Variants in CADPS2 observed in about 807,000 individuals in gnomAD.
The protein encoded by CADPS2 is calcium dependent secretion activator 2, also known as calcium-dependent secretion activator 2.
In CADPS2, 93 loss-of-function variants were observed where a neutral mutation model predicts 172.5. That is an observed-to-expected ratio of 0.54 (90% confidence interval 0.46 to 0.64). The LOEUF (loss-of-function observed/expected upper bound fraction) is 0.64, where lower values mean the gene tolerates loss of function less well. Among genes scored for constraint, CADPS2 ranks in the 30% least tolerant of loss-of-function variants. The probability of loss-of-function intolerance (pLI) is 0.00; values close to 1 mark genes in which losing one functional copy is unlikely to be tolerated. For synonymous variants in CADPS2, 546 were observed against 555.2 expected (o/e 0.98, Z 0.23); for missense variants, 1,420 against 1,565.9 (o/e 0.91, Z 1.57).
At chr7:122,789,181 ATTT>A (rs1476388562) in intron 1 of CADPS2, among the ~76,000 whole-genome samples, 1 of 152,156 alleles carries the variant, frequency 6.6e-6, no homozygotes, top group Non-Finnish European at 1.5e-5. Flanking sequence ...AGAGGAGTAG[ATTT>A]CATTTATCAG....
At chr7:122,580,319 G>A (rs1045766216) in intron 7 of CADPS2, among the ~76,000 whole-genome samples, 1 of 151,978 alleles carries the variant, frequency 6.6e-6, no homozygotes, top group Admixed American at 6.6e-5. Flanking sequence ...GCCAGGCAAG[G>A]TGGTATGTGC....
intron 1 of CADPS2, among the ~76,000 whole-genome samples, chr7:122,837,184 T>C (rs1462006797): frequency 1.3e-5 from 2 of 152,084 alleles, no homozygotes; most frequent in Non-Finnish European, 1.5e-5. Flanking sequence ...GACTACTGGG[T>C]ACATAACGAA....
At chr7:122,614,384 T>C (rs759532741) in intron 6 of CADPS2, among the ~76,000 whole-genome samples, 2 of 152,158 alleles carry the variant, frequency 1.3e-5, no homozygotes, top group Non-Finnish European at 2.9e-5. Flanking sequence ...TCAGTGCCTA[T>C]TTGGGATCTC....
At chr7:122,558,695 T>C (rs886152626) in intron 7 of CADPS2, among the ~76,000 whole-genome samples, 1 of 152,126 alleles carries the variant, frequency 6.6e-6, no homozygotes, top group Non-Finnish European at 1.5e-5. Context: ...AAAATACACA[T>C]TTACACACAG....
chr7:122,714,787 C>A (rs988564729), intron 2 of CADPS2, among the ~76,000 whole-genome samples: 1 of 152,108 alleles, frequency 6.6e-6, no homozygotes, highest in Non-Finnish European at 1.5e-5. Flanking sequence ...ATAATAGAAA[C>A]TTACAGTAAT....
chr7:122,778,160 G>A (rs150500202), intron 1 of CADPS2, among the ~76,000 whole-genome samples: 2 of 152,246 alleles, frequency 1.3e-5, no homozygotes, highest in African/African-American at 4.8e-5. Context: ...GGTCTCAGAT[G>A]GAGATAAGGA....
intron 28 of CADPS2, among the ~76,000 whole-genome samples, chr7:122,337,340 G>A (rs931787426): frequency 3.9e-5 from 6 of 152,228 alleles, no homozygotes; most frequent in African/African-American, 1.4e-4. Flanking sequence ...ATGCAAAGAT[G>A]TGTATTTCTG....
intron 19 of CADPS2, among the ~76,000 whole-genome samples, chr7:122,413,263 G>C (rs2047518503): frequency 6.6e-6 from 1 of 152,176 alleles, no homozygotes; most frequent in Non-Finnish European, 1.5e-5. Context: ...TATCTGGTCA[G>C]AGATGGTCTG....
intron 4 of CADPS2, among the ~76,000 whole-genome samples, chr7:122,628,378 C>T (rs1056578640): frequency 6.6e-5 from 10 of 151,604 alleles, no homozygotes; most frequent in Admixed American, 2.0e-4. Flanking sequence ...AGGATGTATG[C>T]GTAAACATTC....
intron 3 of CADPS2, among the ~76,000 whole-genome samples, chr7:122,651,687 C>G (rs916730407): frequency 6.6e-6 from 1 of 151,890 alleles, no homozygotes; most frequent in African/African-American, 2.4e-5. Flanking sequence ...CTTTGACACT[C>G]GGGTAAATCT....
rs113783000 is a variant in CADPS2, at chr7:122,682,249, T to C, written c.454-18680A>G. Among the ~76,000 whole-genome samples, 538 of 152,314 alleles carry C rather than the reference T, an allele frequency of 3.5e-3. 3 individuals are homozygous for C. The highest frequency in any genetic ancestry group is 5.1e-3 in the Non-Finnish European group (350 of 68,030). ...GAGACCCTAAAGTGGAAGAAAAATC[T>C]TGTTGTTCATCATGGAAAAGGGAGC... On this transcript the variant is annotated intron_variant, in intron 2 of 29. Transcript: ENST00000449022.
At chr7:122,399,750 G>T (rs1169743504) in intron 20 of CADPS2, among the ~76,000 whole-genome samples, 1 of 126,876 alleles carries the variant, frequency 7.9e-6, no homozygotes, top group Non-Finnish European at 1.6e-5. Context: ...GCAGTGGCGC[G>T]ATCTCGGCTC....
chr7:122,674,221 T>C (rs1444934705), intron 2 of CADPS2, among the ~76,000 whole-genome samples: 1 of 151,934 alleles, frequency 6.6e-6, no homozygotes, highest in African/African-American at 2.4e-5. Context: ...CCTTCACACC[T>C]CCCTGCAAGC....
chr7:122,718,126 T>C (rs2089907563), intron 2 of CADPS2, among the ~76,000 whole-genome samples: 1 of 151,432 alleles, frequency 6.6e-6, no homozygotes, highest in Non-Finnish European at 1.5e-5. Context: ...CCACCACGCC[T>C]GGCCCCCTCA....
intron 1 of CADPS2, among the ~76,000 whole-genome samples, chr7:122,861,407 G>A (rs1211069745): frequency 6.6e-6 from 1 of 152,122 alleles, no homozygotes; most frequent in Non-Finnish European, 1.5e-5. Context: ...ATCTTCTTTT[G>A]AGAAATGTCT....
intron 1 of CADPS2, among the ~76,000 whole-genome samples, chr7:122,760,196 A>C: frequency 6.6e-6 from 1 of 152,062 alleles, no homozygotes; most frequent in East Asian, 1.9e-4. Flanking sequence ...ACATATTATT[A>C]AGCACTGTAT....
In CADPS2 at chr7:122,320,071, A is replaced by C; in HGVS notation, c.*94T>G. The C allele has an allele frequency of 8.0e-7, 1 of 1,242,656 alleles. No homozygotes were observed. Among genetic ancestry groups the C allele is most frequent in the Non-Finnish European group, 1.0e-6 (1 of 952,592 alleles). 77.0% of individuals were successfully genotyped at this position (1,242,656 alleles called of 1,614,324 possible). On this transcript the variant is annotated 3_prime_UTR_variant, in exon 30 of 30. Transcript: ENST00000449022. ...AAATACAAGCATTTTTATTTGGCCAAAACAAACAATGAATGTAATTACAAG... is the reference window on the plus strand; with the variant it reads ...AAATACAAGCATTTTTATTTGGCCACAACAAACAATGAATGTAATTACAAG...
intron 8 of CADPS2, among the ~76,000 whole-genome samples, chr7:122,539,783 T>C (rs369768951): frequency 4.0e-4 from 46 of 115,480 alleles, no homozygotes; most frequent in African/African-American, 1.6e-3. Context: ...CTCTTTCTGT[T>C]TCTCTCCATC....
intron 24 of CADPS2, chr7:122,382,078 CAAT>C (rs2043083274): frequency 6.6e-6 from 1 of 152,046 alleles, no homozygotes; most frequent in African/African-American, 2.4e-5. Context: ...ATTCTGCAGA[CAAT>C]AACTCACATA....
Sources: allele counts gnomAD v4.1 joint callset (sites outside exome capture counted in the v4.1 genomes callset), GRCh38; gene constraint gnomAD v4.1.1; transcripts MANE v1.5; gene names NCBI Gene and HGNC (gene_info 2026-07-23, HGNC 2026-07-21).